The following ARHGEF10L variants were observed in gnomAD, a reference collection of about 807,000 sequenced individuals.
ARHGEF10L encodes the protein Rho guanine nucleotide exchange factor 10 like, also known as rho guanine nucleotide exchange factor 10-like protein.
ARHGEF10L carries 69 observed loss-of-function variants against 141.2 expected under a neutral mutation model. The ratio of observed to expected loss-of-function variants is 0.49; its 90% CI spans 0.40 to 0.60. ARHGEF10L has a LOEUF of 0.60. Among genes scored for constraint, ARHGEF10L ranks in the 20% least tolerant of loss-of-function variants. ARHGEF10L has a pLI of 0.00. For synonymous variants in ARHGEF10L, 711 were observed against 718.5 expected (o/e 0.99, Z 0.17); for missense variants, 1,482 against 1,734.3 (o/e 0.85, Z 2.58).
the ARHGEF10L span, among the ~76,000 whole-genome samples, chr1:17,526,643 C>T: frequency 1.2e-4 from 18 of 152,276 alleles, no homozygotes; most frequent in African/African-American, 4.3e-4. Context: ...GTCACTCACA[C>T]CTGTAATCCC....
intron 9 of ARHGEF10L, among the ~76,000 whole-genome samples, 168 bp downstream of exon 9, chr1:17,616,370 C>T (rs996345586): frequency 2.6e-5 from 4 of 152,148 alleles, no homozygotes; most frequent in African/African-American, 4.8e-5. Flanking sequence ...CCTGGTAGGT[C>T]CCAGTGTGCC....
the ARHGEF10L span, among the ~76,000 whole-genome samples, chr1:17,526,583 G>T: frequency 6.6e-6 from 1 of 152,124 alleles, no homozygotes; most frequent in Non-Finnish European, 1.5e-5. Context: ...TGGCACCAGG[G>T]TTGCCCCAAC....
intron 1 of ARHGEF10L, among the ~76,000 whole-genome samples, chr1:17,542,276 T>C (rs1363915422): frequency 6.6e-6 from 1 of 151,802 alleles, no homozygotes; most frequent in Non-Finnish European, 1.5e-5. Flanking sequence ...CAAGAGAACA[T>C]GTCTCTACAA....
chr1:17,576,063 T>A (rs1242739393), intron 1 of ARHGEF10L, among the ~76,000 whole-genome samples: 2 of 152,050 alleles, frequency 1.3e-5, no homozygotes. Context: ...TTTCCTGTCC[T>A]CAAGGCACGA....
chr1:17,691,745 T>G (rs576853882), intron 27 of ARHGEF10L, among the ~76,000 whole-genome samples: 1 of 152,050 alleles, frequency 6.6e-6, no homozygotes, highest in African/African-American at 2.4e-5. Context: ...TTTCTAATAA[T>G]TATAAAATTG....
At position 17,690,289 on chromosome 1, in the gene ARHGEF10L, C is replaced by T. The variant is rs74059623; in HGVS notation, c.3184+2542C>T. 6.4e-3 allele frequency among the ~76,000 whole-genome samples: 968 copies of T among 152,318 alleles called. 8 individuals are homozygous for T. The highest frequency in any genetic ancestry group is 0.022 in the African/African-American group (910 of 41,568). On this transcript the variant is annotated intron_variant, in intron 27 of 28. Coordinates refer to ENST00000361221, the MANE Select transcript of ARHGEF10L (RefSeq NM_018125.4). ...GCCAGAATTCCTCCTGGAATCCCTCCCCTGTCTTCCAGCTCTGACTGGGAG... is the reference window on the plus strand; with the variant it reads ...GCCAGAATTCCTCCTGGAATCCCTCTCCTGTCTTCCAGCTCTGACTGGGAG...
chr1:17,659,602 C>G (rs1234789128), intron 25 of ARHGEF10L, among the ~76,000 whole-genome samples: 1 of 152,252 alleles, frequency 6.6e-6, no homozygotes, highest in East Asian at 1.9e-4. Context: ...GTATCAACCT[C>G]AGAACCCACC....
chr1:17,530,136 C>T, the ARHGEF10L span, among the ~76,000 whole-genome samples: 2 of 152,058 alleles, frequency 1.3e-5, no homozygotes, highest in Admixed American at 6.6e-5. Flanking sequence ...CCTGGCCACA[C>T]AGCAGTCTTG....
intron 25 of ARHGEF10L, among the ~76,000 whole-genome samples, chr1:17,660,731 G>A (rs972477155): frequency 1.6e-4 from 25 of 152,222 alleles, no homozygotes; most frequent in African/African-American, 5.8e-4. Context: ...TCTCCCTGGC[G>A]CTGGCCACAA....
chr1:17,522,561 A>G, the ARHGEF10L span, among the ~76,000 whole-genome samples: 1 of 151,500 alleles, frequency 6.6e-6, no homozygotes, highest in Admixed American at 6.6e-5. Flanking sequence ...TCCTCCAGAG[A>G]AATCCTCGTC....
intron 26 of ARHGEF10L, among the ~76,000 whole-genome samples, chr1:17,677,491 G>T (rs1246131505): frequency 6.6e-6 from 1 of 152,242 alleles, no homozygotes; most frequent in African/African-American, 2.4e-5. Flanking sequence ...TTCTGGCCCA[G>T]GGTGGGCACT....
chr1:17,657,743 G>A (rs2062363148), intron 25 of ARHGEF10L, among the ~76,000 whole-genome samples: 1 of 152,244 alleles, frequency 6.6e-6, no homozygotes, highest in African/African-American at 2.4e-5. Flanking sequence ...GAGCGTGCAT[G>A]TGAATGTAAA....
chr1:17,638,700 G>C lies in ARHGEF10L; in HGVS notation c.2171+11G>C, dbSNP rs376386882. The C allele has an allele frequency of 1.9e-6, 3 of 1,613,612 alleles. No homozygotes were observed. The highest frequency in any genetic ancestry group is 1.3e-5 in the African/African-American group (1 of 74,938). On this transcript the variant is annotated intron_variant, in intron 20 of 28. Transcript: ENST00000361221. Reference sequence around the variant, plus strand: ...TGGGAAACCCGACAAGTGAGAGGAGGGGGTCTTGGAGGGAGGGCTGCTGCC... The same window carrying C: ...TGGGAAACCCGACAAGTGAGAGGAGCGGGTCTTGGAGGGAGGGCTGCTGCC...
In ARHGEF10L at chr1:17,607,710, C is replaced by T. The variant is rs2101033929; in HGVS notation, c.434-92C>T. On this transcript the variant is annotated intron_variant, in intron 6 of 28. Transcript: ENST00000361221. The surrounding 1 kb of genome is among the most constrained non-coding windows in gnomAD (Gnocchi z 4.5). The stretch of plus-strand genomic sequence containing the variant: ...CCATGTTCTCCCTGACCCCCCCTCG[C>T]CCCACCTGGGTTCAGAAATTGGGTC... 7.5e-7 allele frequency: 1 copy of T among 1,330,238 alleles called. No homozygotes were observed. Among genetic ancestry groups the T allele is most frequent in the Non-Finnish European group, 9.8e-7 (1 of 1,025,064 alleles). The allele number at this position is 1,330,238 out of a possible 1,614,324, so 82.4% of individuals were successfully genotyped here.
chr1:17,654,824 T>C lies in ARHGEF10L; in HGVS notation c.2481+102T>C. On this transcript the variant is annotated intron_variant, in intron 23 of 28. Transcript: ENST00000361221. The surrounding 1 kb of genome is among the most constrained non-coding windows in gnomAD (Gnocchi z 4.3). ...CTGGAGACAGCAGCTGCCTGCCTCA[T>C]CTCATGCAGCTTCATCCACCAAGGT... 3 of 1,092,788 alleles carry C rather than the reference T, an allele frequency of 2.7e-6. No homozygotes were observed. The highest frequency in any genetic ancestry group is 4.2e-6 in the Non-Finnish European group (3 of 719,292). 67.7% of individuals were successfully genotyped at this position (1,092,788 alleles called of 1,614,324 possible). A position where few individuals can be genotyped will look rare whatever the true frequency, so the allele number is the denominator to read the frequency against.
At chr1:17,533,925 C>T in the ARHGEF10L span, among the ~76,000 whole-genome samples, 1 of 151,972 alleles carries the variant, frequency 6.6e-6, no homozygotes, top group Non-Finnish European at 1.5e-5. Context: ...TATCCAGACT[C>T]GGGAAGTCCA....
chr1:17,666,388 GGCAGTGCCATGT>G (rs2062978016), intron 26 of ARHGEF10L, among the ~76,000 whole-genome samples: 2 of 152,120 alleles, frequency 1.3e-5, no homozygotes, highest in Admixed American at 6.5e-5. Flanking sequence ...AGAAGGGAGA[GGCAGTGCCATGT>G]GCAGGACCAG....
In ARHGEF10L at chr1:17,541,900, C is replaced by G. The variant is rs182681879; in HGVS notation, c.-44+1950C>G. Among the ~76,000 whole-genome samples, 587 of 152,044 alleles carry G rather than the reference C, an allele frequency of 3.9e-3. 4 individuals are homozygous for G. Among genetic ancestry groups the G allele is most frequent in the Admixed American group, 6.3e-3 (96 of 15,272 alleles). ...GAGAATCGCTTGAACCCGGGAAGTG[C>G]AGGTTGCAGTGAGCCAAGATCGCAC... On this transcript the variant is annotated intron_variant, in intron 1 of 28. Coordinates refer to ENST00000361221, the MANE Select transcript of ARHGEF10L (RefSeq NM_018125.4).
At chr1:17,643,065 ATCT>A (rs1346981081) in intron 21 of ARHGEF10L, among the ~76,000 whole-genome samples, 1 of 152,132 alleles carries the variant, frequency 6.6e-6, no homozygotes, top group East Asian at 1.9e-4. Context: ...GTCATTTGAA[ATCT>A]TATTTGAATG....
Sources: allele counts gnomAD v4.1 joint callset (sites outside exome capture counted in the v4.1 genomes callset), GRCh38; gene constraint gnomAD v4.1.1; non-coding constraint Gnocchi (gnomAD v3.1); transcripts MANE v1.5; gene names NCBI Gene and HGNC (gene_info 2026-07-23, HGNC 2026-07-21).